CCDC73: variants seen among roughly 807,000 people sequenced by gnomAD.
The protein encoded by CCDC73 is coiled-coil domain containing 73.
CCDC73 carries 95 observed loss-of-function variants against 116.5 expected under a neutral mutation model. The ratio of observed to expected loss-of-function variants is 0.82; its 90% CI spans 0.69 to 0.97. The LOEUF is 0.97. Among genes scored for constraint, CCDC73 ranks in the 50% least tolerant of loss-of-function variants. CCDC73 has a pLI of 0.00. For synonymous variants in CCDC73, 398 were observed against 401.3 expected (o/e 0.99, Z 0.10); for missense variants, 1,066 against 1,206.8 (o/e 0.88, Z 1.73).
intron 13 of CCDC73, among the ~76,000 whole-genome samples, chr11:32,640,181 A>T (rs1308868815): frequency 1.3e-5 from 2 of 152,192 alleles, no homozygotes; most frequent in African/African-American, 4.8e-5. Context: ...GCTTTTTCTT[A>T]CTTATCTATA....
intron 1 of CCDC73, among the ~76,000 whole-genome samples, chr11:32,764,200 T>C (rs1173975052): frequency 6.6e-6 from 1 of 152,110 alleles, no homozygotes; most frequent in African/African-American, 2.4e-5. Flanking sequence ...CAGGATATTA[T>C]CCAGGAGAAC....
the CCDC73 span, among the ~76,000 whole-genome samples, chr11:32,826,598 G>T: frequency 8.0e-6 from 1 of 124,530 alleles, no homozygotes. Flanking sequence ...TATTCCCTCT[G>T]AACTAAATAA....
chr11:32,756,618 T>C (rs922195426), intron 2 of CCDC73, among the ~76,000 whole-genome samples: 1 of 151,584 alleles, frequency 6.6e-6, no homozygotes, highest in African/African-American at 2.4e-5. Flanking sequence ...CTTAAAATTT[T>C]AATATTCCTA....
At chr11:32,704,881 T>C (rs1408653551) in intron 3 of CCDC73, among the ~76,000 whole-genome samples, 1 of 152,194 alleles carries the variant, frequency 6.6e-6, no homozygotes, top group Non-Finnish European at 1.5e-5. Flanking sequence ...TCAGGTCTCC[T>C]CTCCACTGAG....
intron 2 of CCDC73, among the ~76,000 whole-genome samples, chr11:32,741,822 C>G (rs565540172): frequency 6.6e-6 from 1 of 152,006 alleles, no homozygotes; most frequent in African/African-American, 2.4e-5. Context: ...CACCCACCCC[C>G]CACAGGCCCC....
chr11:32,811,873 G>A, the CCDC73 span, among the ~76,000 whole-genome samples: 2 of 151,960 alleles, frequency 1.3e-5, no homozygotes, highest in East Asian at 1.9e-4. Context: ...ATTTGTAGGG[G>A]CAACACATGT....
intron 1 of CCDC73, among the ~76,000 whole-genome samples, chr11:32,762,790 C>A (rs1469974349): frequency 6.6e-6 from 1 of 152,134 alleles, no homozygotes; most frequent in Non-Finnish European, 1.5e-5. Flanking sequence ...AGAGTGGAAG[C>A]AGGGTGAGGC....
chr11:32,793,279 G>A (rs1850692664), intron 1 of CCDC73, among the ~76,000 whole-genome samples: 1 of 152,176 alleles, frequency 6.6e-6, no homozygotes, highest in Non-Finnish European at 1.5e-5. Flanking sequence ...CGAAGAAATG[G>A]CTGAGAGAAG....
chr11:32,770,654 A>G (rs559787897), intron 1 of CCDC73, among the ~76,000 whole-genome samples: 1 of 152,290 alleles, frequency 6.6e-6, no homozygotes, highest in South Asian at 2.1e-4. Context: ...AACTGGACAA[A>G]GCATTGTCTG....
chr11:32,748,629 T>G (rs935451983), intron 2 of CCDC73, among the ~76,000 whole-genome samples: 5 of 152,244 alleles, frequency 3.3e-5, no homozygotes, highest in African/African-American at 1.2e-4. Context: ...TGTTTTTCTG[T>G]GTACCTACTA....
At chr11:32,624,903 C>T (rs1238704048) in intron 14 of CCDC73, among the ~76,000 whole-genome samples, 3 of 152,188 alleles carry the variant, frequency 2.0e-5, no homozygotes, top group African/African-American at 7.2e-5. Context: ...AAGGTGGAAA[C>T]CATCATTCTG....
intron 9 of CCDC73, among the ~76,000 whole-genome samples, chr11:32,669,512 C>A (rs763343311): frequency 1.3e-5 from 2 of 152,118 alleles, no homozygotes; most frequent in African/African-American, 2.4e-5. Flanking sequence ...TTATCACTGA[C>A]AATAATCACC....
chr11:32,662,343 C>T (rs376565908), intron 9 of CCDC73, among the ~76,000 whole-genome samples: 7,304 of 152,230 alleles, frequency 0.048, 196 homozygotes, highest in African/African-American at 0.064. Context: ...CTCTCCAGCT[C>T]CTGTTGTTTC....
At chr11:32,746,957 T>C (rs1044433553) in intron 2 of CCDC73, among the ~76,000 whole-genome samples, 1 of 152,186 alleles carries the variant, frequency 6.6e-6, no homozygotes, top group Non-Finnish European at 1.5e-5. Context: ...CTGTCCAGTT[T>C]TTTTCCCTTG....
the CCDC73 span, among the ~76,000 whole-genome samples, chr11:32,823,452 C>T: frequency 5.8e-3 from 878 of 151,894 alleles, 12 homozygotes; most frequent in Non-Finnish European, 4.8e-3. Flanking sequence ...CCAGCCTTGG[C>T]GACAGAGCGA....
chr11:32,810,746 T>G, the CCDC73 span, among the ~76,000 whole-genome samples: 1 of 152,134 alleles, frequency 6.6e-6, no homozygotes, highest in Non-Finnish European at 1.5e-5. Context: ...AAGTCAAGTC[T>G]TTCTTTAACT....
Position 32,776,832 on chromosome 11 carries a change from T to G in CCDC73, c.-15-16574A>C, listed in dbSNP as rs1850535786. Reference sequence around the variant, plus strand: ...TATACATATGTATATATACAACCCCTTACCTAACAAAGCAATTTCCCTTAT... The same window carrying G: ...TATACATATGTATATATACAACCCCGTACCTAACAAAGCAATTTCCCTTAT... On this transcript the variant is annotated intron_variant, in intron 1 of 17. Transcript: ENST00000335185. Among the ~76,000 whole-genome samples, 3 of 150,824 alleles carry G rather than the reference T, an allele frequency of 2.0e-5. No homozygotes were observed. In the South Asian group the frequency reaches 6.3e-4, roughly 32 times the overall value.
chr11:32,800,072 A>T, the CCDC73 span, among the ~76,000 whole-genome samples: 1 of 152,196 alleles, frequency 6.6e-6, no homozygotes, highest in Non-Finnish European at 1.5e-5. Context: ...TAGCACCACA[A>T]ACTGTAGTTG....
chr11:32,718,033 A>T, intron 3 of CCDC73, 43 bp downstream of exon 3: 1 of 1,355,948 alleles, frequency 7.4e-7, no homozygotes, highest in Non-Finnish European at 1.0e-6. Context: ...ACAATTCAAG[A>T]TGAGATTTGG....
Sources: gnomAD v4.1 joint callset for allele counts (sites outside exome capture counted in the v4.1 genomes callset) on GRCh38, gnomAD v4.1.1 for gene constraint, MANE v1.5 for transcripts, NCBI Gene and HGNC (gene_info 2026-07-23, HGNC 2026-07-21) for gene names.